JMJD1C: variants seen among roughly 807,000 people sequenced by gnomAD.
JMJD1C encodes jumonji domain containing 1C.
Under a neutral mutation model 245.3 loss-of-function variants are expected in JMJD1C, and 31 were observed. The ratio of observed to expected loss-of-function variants is 0.13; its 90% CI spans 0.09 to 0.17. JMJD1C has a LOEUF of 0.17. Among genes scored for constraint, JMJD1C ranks in the 10% least tolerant of loss-of-function variants. The pLI is 1.00. For synonymous variants in JMJD1C, 1,057 were observed against 1,017.4 expected (o/e 1.04, Z -0.74); for missense variants, 2,691 against 3,000.2 (o/e 0.90, Z 2.41).
At chr10:63,287,953 A>T (rs959115911) in intron 2 of JMJD1C, among the ~76,000 whole-genome samples, 3 of 151,998 alleles carry the variant, frequency 2.0e-5, no homozygotes, top group Non-Finnish European at 4.4e-5. Flanking sequence ...TGCCATGTTG[A>T]CCAGGCTGGC....
rs1181393557 is a variant in JMJD1C, at chr10:63,213,841, T to C, written c.2326A>G (p.Thr776Ala). ...CTAGTCAGAGGATGAGTGTTAATGG[T>C]AGGTAATGGAGTTTGACTAGATGAT... ...AGSSSQTPLPTINTHPLTSGP... is the reference protein window; with the variant it reads ...AGSSSQTPLPAINTHPLTSGP... The change falls in exon 8 of 26, where the codon ACC becomes GCC. Residue 776 changes from threonine to alanine, a missense_variant. Transcript: ENST00000399262. The C allele has an allele frequency of 7.4e-6, 12 of 1,613,714 alleles. No homozygotes were observed. The highest frequency in any genetic ancestry group is 3.3e-4 in the Middle Eastern group (2 of 6,082).
At chr10:63,350,684 T>G (rs1447153646) in intron 2 of JMJD1C, among the ~76,000 whole-genome samples, 1 of 150,566 alleles carries the variant, frequency 6.6e-6, no homozygotes, top group Non-Finnish European at 1.5e-5. Context: ...TGGTGCAATC[T>G]CAGCTCACTG....
intron 2 of JMJD1C, among the ~76,000 whole-genome samples, chr10:63,375,353 T>C (rs1328062172): frequency 6.6e-6 from 1 of 151,738 alleles, no homozygotes; most frequent in African/African-American, 2.4e-5. Context: ...AGTTTCTATA[T>C]AACAATAATG....
intron 2 of JMJD1C, among the ~76,000 whole-genome samples, chr10:63,319,128 T>C (rs564442332): frequency 6.6e-6 from 1 of 151,724 alleles, no homozygotes; most frequent in East Asian, 1.9e-4. Flanking sequence ...GGTGTGGTGG[T>C]GGCCTGTAGT....
intron 2 of JMJD1C, among the ~76,000 whole-genome samples, chr10:63,377,895 CTAAA>C: frequency 7.5e-6 from 1 of 133,382 alleles, no homozygotes; most frequent in African/African-American, 2.8e-5. Context: ...GAGATCTTGT[CTAAA>C]TAAATAAAAT....
intron 3 of JMJD1C, among the ~76,000 whole-genome samples, chr10:63,263,903 G>A (rs1378230058): frequency 7.1e-6 from 1 of 141,244 alleles, no homozygotes. Flanking sequence ...CTGCATTCCA[G>A]CCTGGGTGAA....
At chr10:63,440,079 C>T (rs1276951351) in intron 1 of JMJD1C, among the ~76,000 whole-genome samples, 1 of 152,098 alleles carries the variant, frequency 6.6e-6, no homozygotes, top group Non-Finnish European at 1.5e-5. Flanking sequence ...TTTTCAGTAA[C>T]TATTGCCCAC....
intron 11 of JMJD1C, among the ~76,000 whole-genome samples, chr10:63,199,120 C>T (rs1845753811): frequency 6.6e-6 from 1 of 152,112 alleles, no homozygotes; most frequent in Middle Eastern, 3.2e-3. Flanking sequence ...TTAAGACTTT[C>T]ACCAGGAGGA....
chr10:63,342,124 G>A (rs1943435740), intron 2 of JMJD1C, among the ~76,000 whole-genome samples: 1 of 152,220 alleles, frequency 6.6e-6, no homozygotes, highest in Admixed American at 6.5e-5. Context: ...AAAGGAAGTA[G>A]ATAACGAAGA....
At chr10:63,238,862 T>G (rs1451895082) in intron 3 of JMJD1C, among the ~76,000 whole-genome samples, 1 of 152,252 alleles carries the variant, frequency 6.6e-6, no homozygotes, top group Non-Finnish European at 1.5e-5. Flanking sequence ...TATCAATTAC[T>G]GTGCCAAGGC....
rs1954852482 is a variant in JMJD1C at position 63,510,873 on chromosome 10, T to G, written n.113+10865A>C. Among the ~76,000 whole-genome samples the G allele has an allele frequency of 2.0e-5, 3 of 152,270 alleles. No homozygotes were observed. In the South Asian group the frequency reaches 6.2e-4, roughly 31 times the overall value. ...TGCCTCACATATTCTGATGCTTTGT[T>G]GTTAGGCATATAGATATTAAGAATT... On this transcript the variant is annotated intron_variant and non_coding_transcript_variant, in intron 1 of 3. Coordinates refer to the JMJD1C transcript ENST00000633035.
chr10:63,255,590 T>C (rs1419950405), intron 3 of JMJD1C, among the ~76,000 whole-genome samples: 6 of 152,240 alleles, frequency 3.9e-5, no homozygotes, highest in Non-Finnish European at 8.8e-5. Flanking sequence ...CATTGCCTGC[T>C]ATATCATCAC....
At chr10:63,441,944 T>C (rs868574452) in intron 1 of JMJD1C, among the ~76,000 whole-genome samples, 2 of 152,202 alleles carry the variant, frequency 1.3e-5, no homozygotes, top group African/African-American at 4.8e-5. Context: ...GTGAATAACA[T>C]GTACTAGACA....
chr10:63,268,893 C>T (rs1855956959), intron 2 of JMJD1C: 1 of 985,702 alleles, frequency 1.0e-6, no homozygotes, highest in Admixed American at 6.2e-5. Context: ...CAGAACGAAG[C>T]AGGAGCTGTA....
At chr10:63,192,430 T>C (rs765713458) in intron 16 of JMJD1C, among the ~76,000 whole-genome samples, 40 of 152,244 alleles carry the variant, frequency 2.6e-4, no homozygotes, top group Admixed American at 7.8e-4. Context: ...TAGCTGGGCA[T>C]GGTGATGCAT....
chr10:63,430,383 G>C (rs1950676924), intron 1 of JMJD1C, among the ~76,000 whole-genome samples: 1 of 152,164 alleles, frequency 6.6e-6, no homozygotes, highest in Non-Finnish European at 1.5e-5. Flanking sequence ...CTAAAGAATA[G>C]AAGAAAATAT....
chr10:63,278,710 A>G (rs1228655315), intron 2 of JMJD1C, among the ~76,000 whole-genome samples: 1 of 151,648 alleles, frequency 6.6e-6, no homozygotes. Context: ...ATGGTGACAC[A>G]TGCCTGTAAT....
chr10:63,423,384 C>T (rs1399697802), intron 1 of JMJD1C, among the ~76,000 whole-genome samples: 1 of 152,130 alleles, frequency 6.6e-6, no homozygotes, highest in Non-Finnish European at 1.5e-5. Context: ...TTTGCCTATT[C>T]TAGATTTAAG....
intron 2 of JMJD1C, among the ~76,000 whole-genome samples, chr10:63,318,986 T>G (rs922438999): frequency 6.6e-6 from 1 of 152,086 alleles, no homozygotes; most frequent in Non-Finnish European, 1.5e-5. Flanking sequence ...ATCTAGGTTC[T>G]CTTCAAACCT....
Sources: allele counts gnomAD v4.1 joint callset (sites outside exome capture counted in the v4.1 genomes callset), GRCh38; gene constraint gnomAD v4.1.1; transcripts MANE v1.5; gene names NCBI Gene and HGNC (gene_info 2026-07-23, HGNC 2026-07-21).